The following RAB10 variants were observed in gnomAD, a reference collection of about 807,000 sequenced individuals.
RAB10 encodes ras-related protein Rab-10.
RAB10 carries 5 observed loss-of-function variants against 25.7 expected under a neutral mutation model. The ratio of observed to expected loss-of-function variants is 0.19; its 90% confidence interval spans 0.10 to 0.41. The LOEUF is 0.41. RAB10 is among the 10% of genes least tolerant of loss of function. The pLI, the probability that RAB10 is intolerant of heterozygous loss-of-function variation, is 1.00. For missense variants in RAB10, 103 were observed against 245.8 expected, an observed-to-expected ratio of 0.42 and a Z score of 3.89; for synonymous variants, 89 against 86.4, an observed-to-expected ratio of 1.03 and a Z score of -0.16.
chr2:26,091,059 G>A (rs888249453), intron 1 of RAB10, among the ~76,000 whole-genome samples: 3 of 152,030 alleles, frequency 2.0e-5, no homozygotes, highest in Non-Finnish European at 1.5e-5. Flanking sequence ...CAAATTAAGG[G>A]CAAAACATGT....
At chr2:26,102,569 G>C (rs1017562386) in intron 2 of RAB10, among the ~76,000 whole-genome samples, 1 of 151,946 alleles carries the variant, frequency 6.6e-6, no homozygotes, top group Non-Finnish European at 1.5e-5. Flanking sequence ...CTCCTGAGCA[G>C]CTGGGACTAC....
chr2:26,067,290 C>T (rs2149269210), intron 1 of RAB10, among the ~76,000 whole-genome samples: 2 of 152,220 alleles, frequency 1.3e-5, no homozygotes, highest in East Asian at 1.9e-4. Context: ...GAGTGCATTG[C>T]TATCTAAAGG....
chr2:26,102,690 G>T (rs1365187801), intron 2 of RAB10, among the ~76,000 whole-genome samples: 1 of 152,036 alleles, frequency 6.6e-6, no homozygotes, highest in Non-Finnish European at 1.5e-5. Context: ...CGCCCACCTC[G>T]GCCTCCCAAA....
rs542485010 is a variant in RAB10 at position 26,072,978 on chromosome 2, G to A, written c.128-25684G>A. Among the ~76,000 whole-genome samples the A allele has an allele frequency of 4.3e-4, 65 of 152,282 alleles. 2 individuals carry two copies. In the South Asian group the frequency reaches 0.013, roughly 30 times the overall value. ...TCCTCAGGAACTTGAGGAGTGTAAA[G>A]GAGTTTGCAGAACAAAAAATTTGAG... On this transcript the variant is annotated intron_variant, in intron 1 of 5. Coordinates refer to ENST00000264710, the MANE Select transcript of RAB10 (RefSeq NM_016131.5).
chr2:26,039,767 C>G (rs1665843497), intron 1 of RAB10, among the ~76,000 whole-genome samples: 1 of 151,942 alleles, frequency 6.6e-6, no homozygotes, highest in African/African-American at 2.4e-5. Context: ...AATCCCAGCA[C>G]TTTGGCAGGC....
At chr2:26,082,838 A>G (rs940640204) in intron 1 of RAB10, among the ~76,000 whole-genome samples, 4 of 152,172 alleles carry the variant, frequency 2.6e-5, no homozygotes, top group Admixed American at 6.5e-5. Flanking sequence ...GAACATAATA[A>G]TTATTAACTA....
intron 3 of RAB10, 102 bp from the exon 4 acceptor site, chr2:26,127,042 T>C: frequency 4.7e-6 from 4 of 852,126 alleles, no homozygotes; most frequent in Non-Finnish European, 7.3e-6. Flanking sequence ...ACTTCAAAGC[T>C]ATAGAAATGA....
At chr2:26,119,429 A>G (rs1458420529) in intron 3 of RAB10, among the ~76,000 whole-genome samples, 1 of 152,172 alleles carries the variant, frequency 6.6e-6, no homozygotes, top group African/African-American at 2.4e-5. Flanking sequence ...TAAATTTTAA[A>G]AAGAGTTGTA....
rs185588746 is a variant in RAB10 at position 26,055,818 on chromosome 2, G to A, written c.127+21083G>A. Among the ~76,000 whole-genome samples, 9 of 151,804 alleles carry A rather than the reference G, an allele frequency of 5.9e-5. No individual in the cohort carries two copies. The East Asian group carries it at 7.8e-4, about 13-fold the overall frequency. On this transcript the variant is annotated intron_variant, in intron 1 of 5. Transcript: ENST00000264710. ...GGATTACAGGTGTGAGCCACCATGC[G>A]CCTGGTCTGTGTTTTTCTGTTTTGT...
intron 3 of RAB10, among the ~76,000 whole-genome samples, chr2:26,110,330 T>TC (rs1559595852): frequency 9.3e-6 from 1 of 108,020 alleles, no homozygotes; most frequent in Non-Finnish European, 1.8e-5. Flanking sequence ...AGAGCAAGAC[T>TC]CCGTCTCCAA....
intron 3 of RAB10, 105 bp downstream of exon 3, chr2:26,110,011 A>AG (rs1667538170): frequency 8.4e-6 from 10 of 1,194,420 alleles, no homozygotes; most frequent in Non-Finnish European, 1.1e-5. Flanking sequence ...GTACTGTTGA[A>AG]GTCATTATTA....
chr2:26,082,993 A>T (rs1415459627), intron 1 of RAB10, among the ~76,000 whole-genome samples: 1 of 152,220 alleles, frequency 6.6e-6, no homozygotes, highest in Admixed American at 6.5e-5. Context: ...GAAAAATCAT[A>T]CCATCATAGT....
intron 1 of RAB10, among the ~76,000 whole-genome samples, chr2:26,045,506 T>C (rs1665982813): frequency 6.6e-6 from 1 of 152,160 alleles, no homozygotes; most frequent in African/African-American, 2.4e-5. Context: ...CCCAAAGTGC[T>C]GGGATTACAG....
At chr2:26,086,120 G>C (rs569390057) in intron 1 of RAB10, among the ~76,000 whole-genome samples, 14 of 151,520 alleles carry the variant, frequency 9.2e-5, no homozygotes, top group Non-Finnish European at 1.8e-4. Context: ...TTCAAGACCA[G>C]CCTGTCCAAC....
At chr2:26,072,724 C>T (rs1490559042) in intron 1 of RAB10, among the ~76,000 whole-genome samples, 1 of 152,106 alleles carries the variant, frequency 6.6e-6, no homozygotes, top group African/African-American at 2.4e-5. Flanking sequence ...CAGCATATTA[C>T]AATAAATTGG....
Position 26,109,632 on chromosome 2 carries a change from G to A in RAB10, c.189-136G>A, listed in dbSNP as rs182041698. On this transcript the variant is annotated intron_variant, in intron 2 of 5. Transcript: ENST00000264710. ...GTTTTCCCTTTCAGATTTTCATCCAGTATGGGTAGGTTATTAATTTCCTTC... is the reference window on the plus strand; with the variant it reads ...GTTTTCCCTTTCAGATTTTCATCCAATATGGGTAGGTTATTAATTTCCTTC... 5.9e-6 allele frequency: 5 copies of A among 844,378 alleles called. No homozygotes were observed. The East Asian group carries it at 1.3e-4, about 22-fold the overall frequency. The allele number at this position is 844,378 out of a possible 1,614,324, so 52.3% of individuals were successfully genotyped here. A position where few individuals can be genotyped will look rare whatever the true frequency, so the allele number is the denominator to read the frequency against.
At chr2:26,081,768 T>TA (rs1252310965) in intron 1 of RAB10, among the ~76,000 whole-genome samples, 14 of 152,276 alleles carry the variant, frequency 9.2e-5, no homozygotes, top group African/African-American at 3.1e-4. Context: ...AAAAGGAATT[T>TA]AAAAAAGGAA....
intron 1 of RAB10, among the ~76,000 whole-genome samples, chr2:26,081,829 A>C (rs1666875024): frequency 6.6e-6 from 1 of 152,242 alleles, no homozygotes; most frequent in African/African-American, 2.4e-5. Flanking sequence ...AGAAAGGAAA[A>C]GCTATCAATT....
chr2:26,094,651 C>T (rs1009894202), intron 1 of RAB10, among the ~76,000 whole-genome samples: 4 of 152,070 alleles, frequency 2.6e-5, no homozygotes, highest in Non-Finnish European at 5.9e-5. Flanking sequence ...CTGCGCCTCC[C>T]GGGTTCAAGC....
Sources: gnomAD v4.1 joint callset for allele counts (sites outside exome capture counted in the v4.1 genomes callset) on GRCh38, gnomAD v4.1.1 for gene constraint, MANE v1.5 for transcripts, NCBI Gene and HGNC (gene_info 2026-07-23, HGNC 2026-07-21) for gene names.